GSE1: variants seen among roughly 807,000 people sequenced by gnomAD.
GSE1 encodes the protein genetic suppressor element 1.
In GSE1, 32 loss-of-function variants were observed where a neutral mutation model predicts 112.6. The ratio of observed to expected loss-of-function variants is 0.28; its 90% CI spans 0.21 to 0.38. The LOEUF (loss-of-function observed/expected upper bound fraction) is 0.38, where lower values mean the gene tolerates loss of function less well. GSE1 is among the 10% of genes least tolerant of loss of function. The pLI is 1.00. For missense variants in GSE1, 2,348 were observed against 1,699.2 expected (o/e 1.38, Z -6.71); for synonymous variants, 1,115 against 735.6 (o/e 1.52, Z -8.35).
upstream of GSE1, among the ~76,000 whole-genome samples, chr16:85,553,212 G>A (rs1567582046): frequency 1.3e-5 from 2 of 150,784 alleles, no homozygotes; most frequent in Non-Finnish European, 3.0e-5. Context: ...AGCGGGGGCT[G>A]GAGCGGAGGC....
chr16:85,326,701 T>G (rs997623672), intron 1 of GSE1, among the ~76,000 whole-genome samples: 3 of 152,240 alleles, frequency 2.0e-5, no homozygotes, highest in African/African-American at 7.2e-5. Flanking sequence ...TCTCGGATAT[T>G]TCGCCATAGC....
At chr16:85,202,863 C>T (rs1397770852) in intron 1 of GSE1, among the ~76,000 whole-genome samples, 2 of 152,174 alleles carry the variant, frequency 1.3e-5, no homozygotes, top group East Asian at 1.9e-4. Context: ...GTCCTGCGCT[C>T]GCCCTGGAGA....
chr16:85,254,123 C>A (rs1396032055), intron 1 of GSE1, among the ~76,000 whole-genome samples: 1 of 152,210 alleles, frequency 6.6e-6, no homozygotes, highest in Non-Finnish European at 1.5e-5. Context: ...TGCCAGGCAG[C>A]AGCTCATCTC....
Position 85,661,580 on chromosome 16 carries a change from C to T in GSE1, c.2075C>T (p.Ser692Phe), listed in dbSNP as rs2052436398. ...TQTILGQQRA[S>F]LPQAATFGEL... ...ACCATCCTGGGCCAGCAGCGGGCCT[C>T]CCTCCCACAGGCGGCCACCTTCGGG... is the stretch of plus-strand genomic sequence containing the variant. The change falls in exon 9 of 16, where the codon TCC (serine) becomes TTC (phenylalanine). Residue 692 changes from serine to phenylalanine, a missense_variant. Transcript: ENST00000253458. The T allele has an allele frequency of 6.2e-7, 1 of 1,610,616 alleles. No individual in the cohort carries two copies. The highest frequency in any genetic ancestry group is 2.2e-5 in the East Asian group (1 of 44,800).
intron 2 of GSE1, among the ~76,000 whole-genome samples, chr16:85,642,780 G>A (rs560524840): frequency 1.4e-4 from 22 of 152,362 alleles, no homozygotes; most frequent in South Asian, 6.2e-4. Context: ...GCAGAACAGC[G>A]GCTGGGGGAA....
chr16:85,457,984 C>T (rs912158872), intron 2 of GSE1, among the ~76,000 whole-genome samples: 4 of 152,184 alleles, frequency 2.6e-5, no homozygotes, highest in African/African-American at 4.8e-5. Context: ...ATTATTGACC[C>T]CATTTTACAT....
chr16:85,487,045 G>T (rs1055865687), intron 2 of GSE1, among the ~76,000 whole-genome samples: 2 of 152,284 alleles, frequency 1.3e-5, no homozygotes, highest in South Asian at 2.1e-4. Context: ...ATACAGGGAG[G>T]CCTTGGGCCA....
At chr16:85,669,123 C>G (rs1175063276) in intron 14 of GSE1, among the ~76,000 whole-genome samples, 1 of 152,272 alleles carries the variant, frequency 6.6e-6, no homozygotes, top group Non-Finnish European at 1.5e-5. Flanking sequence ...ACACCACCTT[C>G]TGCCTCTGTG....
In GSE1 at chr16:85,372,628, T is replaced by C. The variant is rs1264121384; in HGVS notation, c.2464+14985T>C. On this transcript the variant is annotated intron_variant, in intron 2 of 2. Coordinates refer to the GSE1 transcript ENST00000637419. ...ATCCCTGACCATATTCAAACAGGAT[T>C]CGTGCAACCCGTCAAGGAGTCTGTG... 2.0e-5 allele frequency among the ~76,000 whole-genome samples: 3 copies of C among 152,142 alleles called. No homozygotes were observed. The East Asian group carries it at 5.8e-4, about 29-fold the overall frequency.
intron 1 of GSE1, among the ~76,000 whole-genome samples, chr16:85,258,624 C>T (rs1328935707): frequency 6.6e-6 from 1 of 152,136 alleles, no homozygotes; most frequent in Non-Finnish European, 1.5e-5. Flanking sequence ...AGCGAGAGCC[C>T]CTTCTCCGCC....
chr16:85,351,099 G>A (rs985760919), intron 1 of GSE1, among the ~76,000 whole-genome samples: 2 of 152,206 alleles, frequency 1.3e-5, no homozygotes, highest in Admixed American at 1.3e-4. Context: ...GAATCACTCT[G>A]CTAAGATCTC....
chr16:85,372,909 C>A lies in GSE1; in HGVS notation c.2464+15266C>A, dbSNP rs115224790. On this transcript the variant is annotated intron_variant, in intron 2 of 2. Transcript: ENST00000637419. ...AGGGGAAAAGTGACTTGCTGACGGT[C>A]GTCCCGCCAGTCAGCTGAGTCACAG... is the stretch of plus-strand genomic sequence containing the variant. 6.1e-3 allele frequency among the ~76,000 whole-genome samples: 925 copies of A among 152,302 alleles called. 13 individuals are homozygous for A. Among genetic ancestry groups the A allele is most frequent in the African/African-American group, 0.02 (846 of 41,554 alleles).
chr16:85,321,566 T>C (rs1455467500), intron 1 of GSE1, among the ~76,000 whole-genome samples: 2 of 151,710 alleles, frequency 1.3e-5, no homozygotes, highest in Non-Finnish European at 2.9e-5. Context: ...CCCGGGGGAG[T>C]TTGAAGTGGC....
At chr16:85,577,828 C>T (rs2151372119) in intron 1 of GSE1, among the ~76,000 whole-genome samples, 1 of 152,356 alleles carries the variant, frequency 6.6e-6, no homozygotes, top group South Asian at 2.1e-4. Flanking sequence ...TCCCCTTTTC[C>T]ACTCCAGTCC....
intron 2 of GSE1, among the ~76,000 whole-genome samples, chr16:85,517,864 C>T (rs966914348): frequency 8.5e-5 from 13 of 152,246 alleles, no homozygotes; most frequent in African/African-American, 9.6e-5. Context: ...CAAGCGGAGC[C>T]GCGTGGTCGC....
chr16:85,460,094 A>G (rs562604118), intron 2 of GSE1, among the ~76,000 whole-genome samples: 65 of 152,308 alleles, frequency 4.3e-4, no homozygotes, highest in Non-Finnish European at 7.5e-4. Flanking sequence ...CAAGGACACG[A>G]TGTCCTGGGG....
At chr16:85,429,709 C>T (rs377379616) in intron 2 of GSE1, among the ~76,000 whole-genome samples, 4 of 152,078 alleles carry the variant, frequency 2.6e-5, no homozygotes, top group East Asian at 1.9e-4. Flanking sequence ...GGGCCTTTGC[C>T]CCCACTGTTC....
intron 8 of GSE1, among the ~76,000 whole-genome samples, chr16:85,658,238 C>T (rs2052138491): frequency 6.6e-6 from 1 of 152,108 alleles, no homozygotes; most frequent in Non-Finnish European, 1.5e-5. Flanking sequence ...GGTCCCAGGC[C>T]CCCACGTCAT....
chr16:85,644,567 G>C (rs1472290378), intron 2 of GSE1, among the ~76,000 whole-genome samples: 1 of 152,138 alleles, frequency 6.6e-6, no homozygotes, highest in South Asian at 2.1e-4. Flanking sequence ...CAGGCGAGAA[G>C]GGCCACGCGG....
Sources: gnomAD v4.1 joint callset for allele counts (sites outside exome capture counted in the v4.1 genomes callset) on GRCh38, gnomAD v4.1.1 for gene constraint, MANE v1.5 for transcripts, NCBI Gene and HGNC (gene_info 2026-07-23, HGNC 2026-07-21) for gene names.